The following SLC43A2 variants were observed in gnomAD, a reference collection of about 807,000 sequenced individuals.
SLC43A2 encodes the protein solute carrier family 43 member 2.
In SLC43A2, 38 loss-of-function variants were observed where a neutral mutation model predicts 63.2. The observed-to-expected ratio is 0.60, with a 90% CI of 0.46 to 0.79. The LOEUF is 0.79. Ranked by LOEUF, SLC43A2 falls within the 30% of genes least tolerant of loss-of-function variation. The pLI, the probability that SLC43A2 is intolerant of heterozygous loss-of-function variation, is 0.00. For synonymous variants in SLC43A2, 322 were observed against 331.0 expected (o/e 0.97, Z 0.30); for missense variants, 644 against 756.2 (o/e 0.85, Z 1.74).
chr17:1,620,247 A>G (rs4790715), intron 2 of SLC43A2, among the ~76,000 whole-genome samples: 92,057 of 151,940 alleles, frequency 0.61, 28,172 homozygotes, highest in Non-Finnish European at 0.65. Flanking sequence ...AGGTACCCGT[A>G]ACCCCAACTA....
chr17:1,627,863 G>C lies in SLC43A2; in HGVS notation c.12C>G (p.Thr4=), dbSNP rs1021403988. 104 of 1,572,836 alleles carry C rather than the reference G, an allele frequency of 6.6e-5. No homozygotes were observed. The highest frequency in any genetic ancestry group is 8.6e-5 in the Non-Finnish European group (100 of 1,159,790). MAP[T]LATAHRRRWW... is the part of the protein sequence containing the mutation. ...AGCGGCGCCGATGGGCAGTGGCCAGGGTGGGCGCCATGGTGCGGCGCGGCG... is the reference window on the plus strand; with the variant it reads ...AGCGGCGCCGATGGGCAGTGGCCAGCGTGGGCGCCATGGTGCGGCGCGGCG... Residue 4 remains threonine, a synonymous_variant, in exon 2 of 14, where the codon ACC becomes ACG. Coordinates refer to ENST00000301335, the MANE Select transcript of SLC43A2 (RefSeq NM_152346.3).
chr17:1,578,878 C>T lies in SLC43A2; in HGVS notation c.1351-555G>A, dbSNP rs938475769. 7.2e-5 allele frequency among the ~76,000 whole-genome samples: 11 copies of T among 152,128 alleles called. No homozygotes were observed. The East Asian group carries it at 1.2e-3, about 16-fold the overall frequency. On this transcript the variant is annotated intron_variant, in intron 11 of 13. Transcript: ENST00000301335. The surrounding 1 kb of genome is among the most constrained non-coding windows in gnomAD (Gnocchi z 6.5). ...ATTATAGGCTGGGCAAGGTGGCTCACGCCCGTAATCCCAGTGCTTTGGGAG... is the reference window on the plus strand; with the variant it reads ...ATTATAGGCTGGGCAAGGTGGCTCATGCCCGTAATCCCAGTGCTTTGGGAG...
intron 6 of SLC43A2, 40 bp from the exon 7 acceptor site, chr17:1,591,739 G>GGCGGGGC: frequency 7.8e-6 from 4 of 512,306 alleles, no homozygotes; most frequent in Non-Finnish European, 1.2e-5. Context: ...GGGGGAGGGG[G>GGCGGGGC]CAGAGTTAGC....
chr17:1,584,108 T>C lies in SLC43A2; in HGVS notation c.1218-772A>G, dbSNP rs144452288. Among the ~76,000 whole-genome samples the C allele has an allele frequency of 4.5e-3, 686 of 152,222 alleles. 7 individuals carry two copies. The highest frequency in any genetic ancestry group is 0.015 in the African/African-American group (621 of 41,534). On this transcript the variant is annotated intron_variant, in intron 10 of 13. Transcript: ENST00000301335. ...CAGGGTTTCACCATGTTAGCCAGGA[T>C]GGTCTCGATCTTCTGACCTTGTGAT...
At chr17:1,586,173 T>C in intron 9 of SLC43A2, 122 bp from the exon 10 acceptor site, 2 of 1,410,430 alleles carry the variant, frequency 1.4e-6, no homozygotes, top group Non-Finnish European at 1.9e-6. Flanking sequence ...CAGAACCCCC[T>C]GTCACTATGG....
chr17:1,606,659 C>T lies in SLC43A2; in HGVS notation c.501+6536G>A, dbSNP rs1265847692. Among the ~76,000 whole-genome samples the T allele has an allele frequency of 2.6e-5, 4 of 152,222 alleles. No individual in the cohort carries two copies. Among genetic ancestry groups the T allele is most frequent in the African/African-American group, 4.8e-5 (2 of 41,454 alleles). On this transcript the variant is annotated intron_variant, in intron 5 of 13. Coordinates refer to ENST00000301335, the MANE Select transcript of SLC43A2 (RefSeq NM_152346.3). The surrounding 1 kb of genome is among the most constrained non-coding windows in gnomAD (Gnocchi z 4.7). ...CGTGTTTGTGCTCCAGCCGATGAAG[C>T]GAGTGCAAAGGGCTGTACAAACGCG...
chr17:1,617,413 C>T (rs1431946530), intron 2 of SLC43A2, among the ~76,000 whole-genome samples: 1 of 151,580 alleles, frequency 6.6e-6, no homozygotes, highest in Non-Finnish European at 1.5e-5. Context: ...TTTTTTGAGG[C>T]GGAGTCTCAC....
intron 5 of SLC43A2, among the ~76,000 whole-genome samples, chr17:1,598,398 G>A (rs1194974834): frequency 6.6e-6 from 1 of 151,096 alleles, no homozygotes; most frequent in Non-Finnish European, 1.5e-5. Context: ...TCCAGCCTGG[G>A]TGACAGAACG....
chr17:1,611,413 T>C (rs1167128606), intron 5 of SLC43A2, among the ~76,000 whole-genome samples: 6 of 151,970 alleles, frequency 3.9e-5, no homozygotes, highest in Admixed American at 6.6e-5. Context: ...GGCGGGCAGA[T>C]TGCCTGAGAT....
chr17:1,586,618 G>C (rs553212240), intron 9 of SLC43A2, among the ~76,000 whole-genome samples: 1 of 152,058 alleles, frequency 6.6e-6, no homozygotes, highest in African/African-American at 2.4e-5. Flanking sequence ...ACTTGAACCC[G>C]GGAGGTGAAG....
intron 8 of SLC43A2, 40 bp from the exon 9 acceptor site, chr17:1,590,988 T>C: frequency 6.5e-7 from 1 of 1,542,694 alleles, no homozygotes. Flanking sequence ...CGGGGCACAC[T>C]GTCCCCACCA....
Position 1,615,002 on chromosome 17 carries a change from G to C in SLC43A2, c.401C>G (p.Ala134Gly). Residue 134 changes from alanine (A) to glycine (G), a missense_variant, in exon 4 of 14, where the codon GCG becomes GGG. This residue lies in a region of SLC43A2 where 528 missense variants were observed against 623.6 expected (regional missense o/e 0.85). Coordinates refer to ENST00000301335, the MANE Select transcript of SLC43A2 (RefSeq NM_152346.3). ...ACCGTTTGGTTTACTTGCTCCGTAC[G>C]CAATCAGCAAGCAGGAAACCGCGAA... is the stretch of plus-strand genomic sequence containing the variant. ...ACFAVSCLLI[A>G]YGASKPNALS... 6.2e-7 allele frequency: 1 copy of C among 1,613,982 alleles called. No individual in the cohort carries two copies. Among genetic ancestry groups the C allele is most frequent in the African/African-American group, 1.3e-5 (1 of 75,014 alleles).
chr17:1,592,422 G>C (rs1375079679), intron 6 of SLC43A2, among the ~76,000 whole-genome samples: 2 of 152,084 alleles, frequency 1.3e-5, no homozygotes, highest in Non-Finnish European at 2.9e-5. Context: ...GCAAGACCCT[G>C]TTCCCCCCCA....
chr17:1,591,818 C>A (rs538490776), intron 6 of SLC43A2, 119 bp from the exon 7 acceptor site: 3 of 755,868 alleles, frequency 4.0e-6, no homozygotes, highest in East Asian at 5.4e-5. Flanking sequence ...CTGAGCCGCG[C>A]AAAGAGGCAC....
chr17:1,598,255 T>C (rs1905521849), intron 5 of SLC43A2, among the ~76,000 whole-genome samples: 1 of 152,120 alleles, frequency 6.6e-6, no homozygotes, highest in South Asian at 2.1e-4. Flanking sequence ...ACCTTGTCTC[T>C]ACTAGAAATA....
chr17:1,586,397 C>G (rs2076101884), intron 9 of SLC43A2, among the ~76,000 whole-genome samples: 2 of 152,116 alleles, frequency 1.3e-5, no homozygotes, highest in Admixed American at 6.6e-5. Context: ...GTTTCTGTCT[C>G]TAGAAATAGC....
At position 1,575,500 on chromosome 17, in the gene SLC43A2, G is replaced by T; in HGVS notation, c.*104C>A. The stretch of plus-strand genomic sequence containing the variant: ...GGGAGGGAGCGTGAACGCTGGCACG[G>T]AGACGGCGAAGGTCCTGGGGGTGCG... On this transcript the variant is annotated 3_prime_UTR_variant, in exon 14 of 14. Transcript: ENST00000301335. The T allele has an allele frequency of 6.8e-7, 1 of 1,467,186 alleles. No homozygotes were observed. 90.9% of individuals were successfully genotyped at this position (1,467,186 alleles called of 1,614,324 possible).
intron 6 of SLC43A2, among the ~76,000 whole-genome samples, chr17:1,592,432 A>C (rs961702171): frequency 2.6e-5 from 4 of 152,138 alleles, no homozygotes; most frequent in East Asian, 3.8e-4. Context: ...GTTCCCCCCC[A>C]AAAAAAGGAG....
chr17:1,629,851 C>G (rs753540937), upstream of SLC43A2, among the ~76,000 whole-genome samples: 7 of 152,220 alleles, frequency 4.6e-5, no homozygotes, highest in African/African-American at 1.7e-4. Context: ...TCCCCGTCTT[C>G]GTCCCCCGGA....
Sources: allele counts gnomAD v4.1 joint callset (sites outside exome capture counted in the v4.1 genomes callset), GRCh38; gene constraint gnomAD v4.1.1; regional missense constraint gnomAD v4.1.1; non-coding constraint Gnocchi (gnomAD v3.1); transcripts MANE v1.5; gene names NCBI Gene and HGNC (gene_info 2026-07-23, HGNC 2026-07-21).